Variants in SLC43A3 observed in about 807,000 individuals in gnomAD.
SLC43A3 encodes the protein equilibrative nucleobase transporter 1.
A neutral mutation model predicts 53.3 loss-of-function variants in SLC43A3; 33 were observed. That is an observed-to-expected ratio of 0.62 (90% CI 0.47 to 0.83). The LOEUF (loss-of-function observed/expected upper bound fraction) is 0.83. Among genes scored for constraint, SLC43A3 ranks in the 40% least tolerant of loss-of-function variants. The probability of loss-of-function intolerance (pLI) is 0.00; values close to 1 mark genes in which losing one functional copy is unlikely to be tolerated. For synonymous variants in SLC43A3, 236 were observed against 246.2 expected (o/e 0.96, Z 0.39); for missense variants, 530 against 610.0 (o/e 0.87, Z 1.38).
chr11:57,409,109 A>G (rs968857804), intron 13 of SLC43A3, 66 bp downstream of exon 13: 3 of 1,570,706 alleles, frequency 1.9e-6, no homozygotes, highest in Non-Finnish European at 1.8e-6. Context: ...TCACAGCCAG[A>G]TTTGGGGCAG....
intron 11 of SLC43A3, 92 bp downstream of exon 11, chr11:57,414,523 A>G (rs1942625878): frequency 3.1e-6 from 2 of 645,668 alleles, no homozygotes; most frequent in Admixed American, 5.8e-5. Context: ...AAAAAAAAAA[A>G]AAAAAAAAAG....
At chr11:57,423,334 G>A (rs904471797) in intron 5 of SLC43A3, among the ~76,000 whole-genome samples, 3 of 152,202 alleles carry the variant, frequency 2.0e-5, no homozygotes, top group Non-Finnish European at 4.4e-5. Context: ...TTGCAAAATG[G>A]TCATTCATAT....
intron 8 of SLC43A3, among the ~76,000 whole-genome samples, chr11:57,417,479 A>G (rs1191209582): frequency 6.6e-6 from 1 of 152,182 alleles, no homozygotes; most frequent in African/African-American, 2.4e-5. Flanking sequence ...TAATCCTCCA[A>G]ATGATCAGAT....
rs1400194352 is a variant in SLC43A3 at position 57,414,620 on chromosome 11, T to C, written c.1055A>G (p.Lys352Arg). The C allele has an allele frequency of 6.2e-7, 1 of 1,610,232 alleles. No individual in the cohort carries two copies. The highest frequency in any genetic ancestry group is 8.5e-7 in the Non-Finnish European group (1 of 1,176,458). ...LKQKYQKEAR[K>R]TGSSTLAVAL... ...TGCCCTCCCCCGCATCTCACCTGTC[T>C]TTCTTGCTTCCTTCTGGTACTTCTG... Residue 352 changes from lysine (K) to arginine (R), a missense_variant, in exon 11 of 14, where the codon AAG (lysine) becomes AGG (arginine). Physicochemically the swap from Lys to Arg is conservative, Grantham distance 26. This residue lies in a region of SLC43A3 where 376 missense variants were observed against 386.7 expected (regional missense o/e 0.97). Coordinates refer to ENST00000395124, the MANE Select transcript of SLC43A3 (RefSeq NM_199329.3).
chr11:57,424,104 G>T, intron 4 of SLC43A3, 76 bp from the exon 5 acceptor site: 1 of 1,433,048 alleles, frequency 7.0e-7, no homozygotes, highest in Non-Finnish European at 9.7e-7. Flanking sequence ...ATTCTGCTCA[G>T]CCAGCCCACA....
At chr11:57,423,257 G>A (rs1260319328) in intron 5 of SLC43A3, among the ~76,000 whole-genome samples, 2 of 152,298 alleles carry the variant, frequency 1.3e-5, no homozygotes, top group East Asian at 3.9e-4. Flanking sequence ...ACAGACTGGT[G>A]AAATTTTAAA....
At chr11:57,409,146 C>T (rs1309069668) in intron 13 of SLC43A3, 29 bp downstream of exon 13, 1 of 1,613,808 alleles carries the variant, frequency 6.2e-7, no homozygotes, top group East Asian at 2.2e-5. Context: ...AGGCCTCCTG[C>T]CAGGGATCCC....
At chr11:57,420,795 T>C (rs1942948852) in intron 7 of SLC43A3, among the ~76,000 whole-genome samples, 177 bp downstream of exon 7, 1 of 152,242 alleles carries the variant, frequency 6.6e-6, no homozygotes, top group African/African-American at 2.4e-5. Flanking sequence ...TCATGGCTAC[T>C]AGCTGCAGAA....
Position 57,425,101 on chromosome 11 carries a change from G to C in SLC43A3, c.314+440C>G, listed in dbSNP as rs1007648360. Among the ~76,000 whole-genome samples the C allele has an allele frequency of 2.6e-5, 4 of 152,184 alleles. No individual in the cohort carries two copies. The East Asian group carries it at 5.8e-4, about 22-fold the overall frequency. ...GAGTGATTGGCTGTTGGGGCGGGGA[G>C]GGGGGGCGGTGAGGAGGATGAGGAT... On this transcript the variant is annotated intron_variant, in intron 4 of 13. Coordinates refer to ENST00000395124, the MANE Select transcript of SLC43A3 (RefSeq NM_199329.3).
intron 3 of SLC43A3, 22 bp downstream of exon 3, chr11:57,425,967 G>C: frequency 6.2e-7 from 1 of 1,606,204 alleles, no homozygotes; most frequent in South Asian, 1.1e-5. Flanking sequence ...AACTTCCTTA[G>C]AAAAGTCATC....
chr11:57,421,117 T>G (rs1942966616), intron 6 of SLC43A3, 53 bp from the exon 7 acceptor site: 6 of 1,399,182 alleles, frequency 4.3e-6, no homozygotes, highest in Admixed American at 1.7e-5. Flanking sequence ...AAACAGATAC[T>G]TCCTGAGCAC....
intron 11 of SLC43A3, 152 bp from the exon 12 acceptor site, chr11:57,410,273 A>T: frequency 1.7e-6 from 1 of 605,696 alleles, no homozygotes; most frequent in Non-Finnish European, 2.9e-6. Flanking sequence ...CTTTCCCCAC[A>T]TGCCCCACCT....
chr11:57,408,126 C>A, intron 13 of SLC43A3: 1 of 453,244 alleles, frequency 2.2e-6, no homozygotes, highest in Non-Finnish European at 4.0e-6. Flanking sequence ...GCCCATTTCA[C>A]AGATAAAGAA....
intron 5 of SLC43A3, 122 bp downstream of exon 5, chr11:57,423,860 G>A (rs778722686): frequency 1.3e-5 from 10 of 768,666 alleles, no homozygotes; most frequent in Non-Finnish European, 2.0e-5. Flanking sequence ...ATTCTTTCAA[G>A]CTGCAGATCT....
In SLC43A3 at chr11:57,414,668, C is replaced by A. The variant is rs1423717194; in HGVS notation, c.1007G>T (p.Gly336Val). 1.2e-6 allele frequency: 2 copies of A among 1,614,058 alleles called. No individual in the cohort carries two copies. The highest frequency in any genetic ancestry group is 8.5e-7 in the Non-Finnish European group (1 of 1,179,982). Residue 336 changes from glycine to valine, a missense_variant, in exon 11 of 14, where the codon GGC becomes GTC. Physicochemically the swap from Gly to Val is moderately radical, Grantham distance 109 (BLOSUM62 -3). This residue lies in a region of SLC43A3 where 376 missense variants were observed against 386.7 expected (regional missense o/e 0.97). Transcript: ENST00000395124. ...CTGTTTAAGCCGGTCCATGAGCAGGCCATTCCAGGGGGCACACAGCACTCC... is the reference window on the plus strand; with the variant it reads ...CTGTTTAAGCCGGTCCATGAGCAGGACATTCCAGGGGGCACACAGCACTCC... ...QFGVLCAPWN[G>V]LLMDRLKQKY... is the part of the protein sequence containing the mutation.
chr11:57,424,089 A>G, intron 4 of SLC43A3, 61 bp from the exon 5 acceptor site: 1 of 1,534,666 alleles, frequency 6.5e-7, no homozygotes, highest in Non-Finnish European at 9.0e-7. Context: ...GGGAGAAAAA[A>G]CATGATTCTG....
chr11:57,408,217 G>T, intron 13 of SLC43A3: 1 of 240,984 alleles, frequency 4.1e-6, no homozygotes, highest in Non-Finnish European at 8.2e-6. Context: ...ATACACAGCT[G>T]ATTACTAGGT....
At chr11:57,426,684 A>G (rs1318566172) in intron 1 of SLC43A3, 32 bp from the exon 2 acceptor site, 1 of 154,392 alleles carries the variant, frequency 6.5e-6, no homozygotes, top group African/African-American at 2.4e-5. Context: ...AACCAGGTGC[A>G]GAGGCAGGGA....
Position 57,421,097 on chromosome 11 carries a change from T to C in SLC43A3, c.439-33A>G, listed in dbSNP as rs780402898. The C allele has an allele frequency of 6.0e-6, 9 of 1,507,162 alleles. No individual in the cohort carries two copies. The East Asian group carries it at 2.0e-4, about 34-fold the overall frequency. 93.4% of individuals were successfully genotyped at this position (1,507,162 alleles called of 1,614,324 possible). A position where few individuals can be genotyped will look rare whatever the true frequency, so the allele number is the denominator to read the frequency against. On this transcript the variant is annotated intron_variant, in intron 6 of 13. Transcript: ENST00000395124. The stretch of plus-strand genomic sequence containing the variant: ...TGATAGGACTAGCCTGGATCACTTA[T>C]TTATTCATGAAACAGATACTTCCTG...
Sources: allele counts gnomAD v4.1 joint callset (sites outside exome capture counted in the v4.1 genomes callset), GRCh38; gene constraint gnomAD v4.1.1; regional missense constraint gnomAD v4.1.1; transcripts MANE v1.5; gene names NCBI Gene and HGNC (gene_info 2026-07-23, HGNC 2026-07-21).